KLK2: variants seen among roughly 807,000 people sequenced by gnomAD.
KLK2 encodes kallikrein related peptidase 2.
Under a neutral mutation model 23.0 loss-of-function variants are expected in KLK2, and 17 were observed. That is an observed-to-expected ratio of 0.74 (90% CI 0.51 to 1.11). The LOEUF (loss-of-function observed/expected upper bound fraction) is 1.11, where lower values mean the gene tolerates loss of function less well. Among genes scored for constraint, KLK2 ranks in the 50% least tolerant of loss-of-function variants. The pLI is 0.00. For synonymous variants in KLK2, 140 were observed against 124.7 expected (o/e 1.12, Z -0.82); for missense variants, 330 against 325.9 (o/e 1.01, Z -0.10).
At chr19:50,874,111 G>A (rs537826799) in intron 1 of KLK2, 241 of 152,840 alleles carry the variant, frequency 1.6e-3, no homozygotes, top group Non-Finnish European at 2.1e-3. Flanking sequence ...CCCCAGACCC[G>A]TCATTCAATG....
chr19:50,874,372 C>A (rs888221786), intron 1 of KLK2: 2 of 192,476 alleles, frequency 1.0e-5, no homozygotes, highest in South Asian at 1.6e-4. Flanking sequence ...CTCTTAGAAC[C>A]CACAGCTGCC....
chr19:50,877,399 C>G (rs907940758), intron 4 of KLK2: 1 of 249,466 alleles, frequency 4.0e-6, no homozygotes, highest in Non-Finnish European at 7.8e-6. Context: ...AGGAAGTGAT[C>G]GGGCTCTGGG....
At position 50,878,716 on chromosome 19, in the gene KLK2, G is replaced by C. The variant is rs1453312634; in HGVS notation, c.*157G>C. 1 of 633,576 alleles carries C rather than the reference G, an allele frequency of 1.6e-6. No homozygotes were observed. The highest frequency in any genetic ancestry group is 2.7e-5 in the East Asian group (1 of 36,934). 39.2% of individuals were successfully genotyped at this position (633,576 alleles called of 1,614,324 possible). A position where few individuals can be genotyped will look rare whatever the true frequency, so the allele number is the denominator to read the frequency against. ...ACTGACCTGTGCTTTCTGGTGTGGA[G>C]TCCAGGGCTGCTAGGAAAAGGAATG... On this transcript the variant is annotated 3_prime_UTR_variant, in exon 5 of 5. Coordinates refer to ENST00000325321, the MANE Select transcript of KLK2 (RefSeq NM_005551.5).
Position 50,878,877 on chromosome 19 carries a change from T to C in KLK2, c.*318T>C. 1 of 310,690 alleles carries C rather than the reference T, an allele frequency of 3.2e-6. No individual in the cohort carries two copies. The highest frequency in any genetic ancestry group is 6.1e-6 in the Non-Finnish European group (1 of 165,128). The allele number at this position is 310,690 out of a possible 1,614,324, so 19.2% of individuals were successfully genotyped here. Reference sequence around the variant, plus strand: ...ACAAAGACGTGGGTGACCATGTTGTTTGTGGGGTGCAGAGATGGGAGGGGT... The same window carrying C: ...ACAAAGACGTGGGTGACCATGTTGTCTGTGGGGTGCAGAGATGGGAGGGGT... On this transcript the variant is annotated 3_prime_UTR_variant, in exon 5 of 5. Coordinates refer to ENST00000325321, the MANE Select transcript of KLK2 (RefSeq NM_005551.5).
intron 4 of KLK2, 96 bp from the exon 5 acceptor site, chr19:50,878,308 C>T: frequency 8.2e-7 from 1 of 1,226,750 alleles, no homozygotes; most frequent in Non-Finnish European, 1.1e-6. Flanking sequence ...GGGAATTGCT[C>T]TCAGTCATCT....
chr19:50,876,400 C>T (rs1171666799), intron 2 of KLK2, 72 bp from the exon 3 acceptor site: 2 of 1,407,118 alleles, frequency 1.4e-6, no homozygotes, highest in Middle Eastern at 1.8e-4. Flanking sequence ...TGGAGTCTCC[C>T]TTATCCTCCC....
chr19:50,879,537 G>C lies in KLK2; in HGVS notation c.*978G>C. ...GGACAGCATATAATTCTCCCTGCAA[G>C]GATGTATGATAATATGTACAAAGTA... is the stretch of plus-strand genomic sequence containing the variant. On this transcript the variant is annotated 3_prime_UTR_variant, in exon 5 of 5. Coordinates refer to ENST00000325321, the MANE Select transcript of KLK2 (RefSeq NM_005551.5). 4.3e-6 allele frequency: 1 copy of C among 230,628 alleles called. No individual in the cohort carries two copies. Among genetic ancestry groups the C allele is most frequent in the Non-Finnish European group, 8.6e-6 (1 of 116,426 alleles). The allele number at this position is 230,628 out of a possible 1,614,324, so 14.3% of individuals were successfully genotyped here. A position where few individuals can be genotyped will look rare whatever the true frequency, so the allele number is the denominator to read the frequency against.
rs1165939685 is a variant in KLK2, at chr19:50,874,721, G to A, written c.47G>A (p.Gly16Asp). ...LSIALSVGCT[G>D]AVPLIQSRIV... The stretch of plus-strand genomic sequence containing the variant: ...CCCTGACCCAGCACCCCCTCCGCAG[G>A]TGCCGTGCCCCTCATCCAGTCTCGG... Residue 16 changes from glycine (G) to aspartate (D), a missense_variant and splice_region_variant, in exon 2 of 5, where the codon GGT becomes GAT. Coordinates refer to ENST00000325321, the MANE Select transcript of KLK2 (RefSeq NM_005551.5). 1 of 1,608,984 alleles carries A rather than the reference G, an allele frequency of 6.2e-7. No homozygotes were observed. The highest frequency in any genetic ancestry group is 8.5e-7 in the Non-Finnish European group (1 of 1,178,002).
chr19:50,873,639 C>G, intron 1 of KLK2, 120 bp downstream of exon 1: 1 of 683,018 alleles, frequency 1.5e-6, no homozygotes. Context: ...AGACAATGTG[C>G]CCCTGACTCT....
rs759466542 is a variant in KLK2, at chr19:50,878,581, C to A, written c.*22C>A. 127 of 1,598,640 alleles carry A rather than the reference C, an allele frequency of 7.9e-5. No homozygotes were observed. The highest frequency in any genetic ancestry group is 1.0e-4 in the Non-Finnish European group (121 of 1,169,136). On this transcript the variant is annotated 3_prime_UTR_variant, in exon 5 of 5. Transcript: ENST00000325321. Reference sequence around the variant, plus strand: ...CTGAGTGCCCCTGTCCCACCCCTACCTCTAGTAAATTTAAGTCCACCTCAC... The same window carrying A: ...CTGAGTGCCCCTGTCCCACCCCTACATCTAGTAAATTTAAGTCCACCTCAC...
Position 50,877,024 on chromosome 19 carries a change from T to C in KLK2, c.630+16T>C. On this transcript the variant is annotated intron_variant, in intron 4 of 4. Coordinates refer to ENST00000325321, the MANE Select transcript of KLK2 (RefSeq NM_005551.5). ...CACTTGTGGGGTGAGTCATCCCTACTCCCAACATCTGGAGGGGAAAGGTGA... is the reference window on the plus strand; with the variant it reads ...CACTTGTGGGGTGAGTCATCCCTACCCCCAACATCTGGAGGGGAAAGGTGA... 2 of 1,614,040 alleles carry C rather than the reference T, an allele frequency of 1.2e-6. No homozygotes were observed. The highest frequency in any genetic ancestry group is 1.3e-5 in the African/African-American group (1 of 75,006).
At chr19:50,877,338 A>T in intron 4 of KLK2, 1 of 401,242 alleles carries the variant, frequency 2.5e-6, no homozygotes, top group Non-Finnish European at 4.6e-6. Flanking sequence ...CATGCTGGTG[A>T]GGGGCACTGG....
rs578109705 is a variant in KLK2 at position 50,875,929 on chromosome 19, C to T, written c.207-543C>T. 26 of 166,514 alleles carry T rather than the reference C, an allele frequency of 1.6e-4. 1 individual carries two copies. The South Asian group carries it at 4.1e-3, about 26-fold the overall frequency. The allele number at this position is 166,514 out of a possible 1,614,324, so 10.3% of individuals were successfully genotyped here. A position where few individuals can be genotyped will look rare whatever the true frequency, so the allele number is the denominator to read the frequency against. On this transcript the variant is annotated intron_variant, in intron 2 of 4. Coordinates refer to ENST00000325321, the MANE Select transcript of KLK2 (RefSeq NM_005551.5). ...GCCACTACAGAGCCCTCACTCCAGC[C>T]CCAGCTGCAGGTGAGCCACCCTCAT... is the stretch of plus-strand genomic sequence containing the variant.
At chr19:50,877,244 C>T (rs1481835277) in intron 4 of KLK2, 1 of 587,906 alleles carries the variant, frequency 1.7e-6, no homozygotes, top group Non-Finnish European at 3.0e-6. Flanking sequence ...GCTTACTGGG[C>T]ACCTGCTACG....
chr19:50,873,744 C>T (rs1380007753), intron 1 of KLK2: 3 of 536,550 alleles, frequency 5.6e-6, no homozygotes, highest in African/African-American at 4.0e-5. Context: ...AATCCCTGCT[C>T]CCAGCTGCTT....
In KLK2 at chr19:50,877,013, G is replaced by A. The variant is rs2090296497; in HGVS notation, c.630+5G>A. ...GGTGGTAAAGACACTTGTGGGGTGAGTCATCCCTACTCCCAACATCTGGAG... is the reference window on the plus strand; with the variant it reads ...GGTGGTAAAGACACTTGTGGGGTGAATCATCCCTACTCCCAACATCTGGAG... On this transcript the variant is annotated splice_donor_5th_base_variant and intron_variant, in intron 4 of 4. Coordinates refer to ENST00000325321, the MANE Select transcript of KLK2 (RefSeq NM_005551.5). The A allele has an allele frequency of 6.2e-7, 1 of 1,614,092 alleles. No individual in the cohort carries two copies. The highest frequency in any genetic ancestry group is 2.2e-5 in the East Asian group (1 of 44,882).
At chr19:50,878,217 C>A (rs747833041) in intron 4 of KLK2, among the ~76,000 whole-genome samples, 187 bp from the exon 5 acceptor site, 6 of 152,174 alleles carry the variant, frequency 3.9e-5, no homozygotes, top group Non-Finnish European at 7.4e-5. Context: ...AAGACTGGAG[C>A]CTTGTTCCCT....
Position 50,878,577 on chromosome 19 carries a change from CT to C in KLK2, c.*19del, listed in dbSNP as rs545312487. 190 of 1,601,424 alleles carry C rather than the reference CT, an allele frequency of 1.2e-4. 2 individuals carry two copies. The South Asian group carries it at 2.1e-3, about 17-fold the overall frequency. ...ACCCCTGAGTGCCCCTGTCCCACCC[CT>C]ACCTCTAGTAAATTTAAGTCCACCT... is the stretch of plus-strand genomic sequence containing the variant. On this transcript the variant is annotated 3_prime_UTR_variant, in exon 5 of 5. Coordinates refer to ENST00000325321, the MANE Select transcript of KLK2 (RefSeq NM_005551.5).
Position 50,878,708 on chromosome 19 carries a change from G to A in KLK2, c.*149G>A. On this transcript the variant is annotated 3_prime_UTR_variant, in exon 5 of 5. Coordinates refer to ENST00000325321, the MANE Select transcript of KLK2 (RefSeq NM_005551.5). ...TGAGTCCTACTGACCTGTGCTTTCT[G>A]GTGTGGAGTCCAGGGCTGCTAGGAA... The A allele has an allele frequency of 1.4e-6, 1 of 693,166 alleles. No individual in the cohort carries two copies. Among genetic ancestry groups the A allele is most frequent in the Non-Finnish European group, 2.5e-6 (1 of 404,244 alleles). The allele number at this position is 693,166 out of a possible 1,614,324, so 42.9% of individuals were successfully genotyped here.
Sources: allele counts gnomAD v4.1 joint callset (sites outside exome capture counted in the v4.1 genomes callset), GRCh38; gene constraint gnomAD v4.1.1; transcripts MANE v1.5; gene names NCBI Gene and HGNC (gene_info 2026-07-23, HGNC 2026-07-21).